Variants in NBPF12 observed in about 807,000 individuals in gnomAD.
The protein encoded by NBPF12 is NBPF member 12, also known as NBPF family member NBPF12.
A neutral mutation model predicts 146.4 loss-of-function variants in NBPF12; 115 were observed. The observed-to-expected ratio is 0.79, with a 90% CI of 0.68 to 0.92. The LOEUF is 0.92. Ranked by LOEUF, NBPF12 falls within the 40% of genes least tolerant of loss-of-function variation. The pLI is 0.00. For synonymous variants in NBPF12, 385 were observed against 508.9 expected, an observed-to-expected ratio of 0.76 and a Z score of 3.28; for missense variants, 1,205 against 1,326.8, an observed-to-expected ratio of 0.91 and a Z score of 1.43.
In NBPF12 at chr1:146,971,220, G is replaced by T. The variant is rs1392421799; in HGVS notation, c.1417G>T (p.Asp473Tyr). ...GGCTGAAGAAAGCAAAGTCCCTGAGGACTCACTGGAGGAATGTGCCATCAC... is the reference window on the plus strand; with the variant it reads ...GGCTGAAGAAAGCAAAGTCCCTGAGTACTCACTGGAGGAATGTGCCATCAC... Residue 473 changes from aspartate to tyrosine, a missense_variant, in exon 13 of 34, where the codon GAC (aspartate) becomes TAC (tyrosine). Around this residue, in one of 16 missense-constraint regions of NBPF12, gnomAD observed 278 missense variants for 203.1 expected, o/e 1.37. Transcript: ENST00000617844. The T allele has an allele frequency of 1.1e-4, 174 of 1,611,772 alleles. 1 individual carries two copies. Among genetic ancestry groups the T allele is most frequent in the Non-Finnish European group, 1.4e-4 (162 of 1,179,770 alleles).
intron 18 of NBPF12, among the ~76,000 whole-genome samples, chr1:146,978,694 GA>G (rs1215590266): frequency 5.5e-4 from 81 of 146,714 alleles, no homozygotes; most frequent in African/African-American, 1.9e-3. Flanking sequence ...TTTTTTTGGG[GA>G]AAAAATTTTG....
At chr1:146,994,617 G>C (rs782067548) in exon 34 of NBPF12, 2 of 1,589,392 alleles carry the variant, frequency 1.3e-6, no homozygotes. Context: ...CTGCAGGCAG[G>C]ACCTATAGGC....
intron 14 of NBPF12, among the ~76,000 whole-genome samples, chr1:146,973,386 A>G (rs1656782981): frequency 1.3e-5 from 2 of 151,716 alleles, no homozygotes; most frequent in Admixed American, 6.5e-5. Flanking sequence ...GCTCTGTTCT[A>G]GTGACTCTGA....
intron 9 of NBPF12, among the ~76,000 whole-genome samples, chr1:146,968,236 C>T (rs1656333500): frequency 2.6e-5 from 4 of 151,492 alleles, no homozygotes; most frequent in Non-Finnish European, 5.9e-5. Context: ...CTTGATGTGC[C>T]CTTGAGGTTC....
chr1:146,982,589 G>T (rs1248996742), intron 19 of NBPF12, among the ~76,000 whole-genome samples: 1 of 151,890 alleles, frequency 6.6e-6, no homozygotes, highest in Non-Finnish European at 1.5e-5. Flanking sequence ...TGAATGCTGC[G>T]TGTAAAATTC....
chr1:146,964,396 A>C (rs1553885238), exon 7 of NBPF12: 1 of 1,602,388 alleles, frequency 6.2e-7, no homozygotes, highest in Non-Finnish European at 8.5e-7. Context: ...CAAGTTGAGG[A>C]GGATGAGAAA....
Position 146,969,181 on chromosome 1 carries a change from G to A in NBPF12, c.1092-201G>A, listed in dbSNP as rs1338898135. 4.7e-4 allele frequency among the ~76,000 whole-genome samples: 71 copies of A among 151,436 alleles called. 2 individuals are homozygous for A. In the East Asian group the frequency reaches 8.1e-3, roughly 17 times the overall value. ...TGAATGGAACATCATCGAGGATCTT[G>A]CAGGAGCCCTCTCTGATACAGAGGA... On this transcript the variant is annotated intron_variant, in intron 10 of 33. Transcript: ENST00000617844.
chr1:146,970,975 C>G (rs1656573263), intron 12 of NBPF12, among the ~76,000 whole-genome samples: 1 of 151,356 alleles, frequency 6.6e-6, no homozygotes, highest in South Asian at 2.1e-4. Context: ...GCACTGAACA[C>G]CAGCTGCTCT....
At chr1:146,964,156 G>A (rs1198283834) in intron 6 of NBPF12, among the ~76,000 whole-genome samples, 1 of 148,578 alleles carries the variant, frequency 6.7e-6, no homozygotes, top group African/African-American at 2.5e-5. Flanking sequence ...GCCACATCTT[G>A]ATGGTGGCCC....
intron 2 of NBPF12, among the ~76,000 whole-genome samples, chr1:146,953,005 A>C (rs1368956537): frequency 6.6e-6 from 1 of 151,000 alleles, no homozygotes; most frequent in African/African-American, 2.5e-5. Context: ...GCATTAAGAA[A>C]TGCATGGGTG....
At chr1:146,972,523 T>C (rs1329808845) in intron 13 of NBPF12, among the ~76,000 whole-genome samples, 1 of 151,604 alleles carries the variant, frequency 6.6e-6, no homozygotes, top group East Asian at 1.9e-4. Context: ...TAGAAACTTA[T>C]AAGCAAGAAA....
intron 4 of NBPF12, among the ~76,000 whole-genome samples, chr1:146,961,584 CATACTA>C (rs1244215418): frequency 2.7e-5 from 4 of 149,658 alleles, no homozygotes; most frequent in African/African-American, 1.0e-4. Flanking sequence ...TGCTGCCTCT[CATACTA>C]ATAAAGTATT....
chr1:146,964,648 A>G (rs1414413795), intron 7 of NBPF12, among the ~76,000 whole-genome samples: 2 of 151,902 alleles, frequency 1.3e-5, no homozygotes, highest in Non-Finnish European at 2.9e-5. Flanking sequence ...CTGAGTCTTC[A>G]TCCTCCTCAG....
At chr1:146,994,291 A>AT in intron 33 of NBPF12, 41 bp from the exon 37 acceptor site, 1 of 1,610,846 alleles carries the variant, frequency 6.2e-7, no homozygotes, top group Admixed American at 1.7e-5. Context: ...GTGGTGTCTG[A>AT]CTTTCCCTGG....
chr1:146,992,574 A>C (rs1658269309), intron 31 of NBPF12, 138 bp from the exon 35 acceptor site: 1 of 638,324 alleles, frequency 1.6e-6, no homozygotes, highest in Non-Finnish European at 2.8e-6. Flanking sequence ...ACATGAAGGC[A>C]ATAATTTGTT....
At chr1:146,972,213 G>T (rs1179851905) in intron 13 of NBPF12, among the ~76,000 whole-genome samples, 2 of 150,858 alleles carry the variant, frequency 1.3e-5, no homozygotes, top group Admixed American at 6.6e-5. Context: ...TGTCCAAGTT[G>T]GCGAAACCCC....
At chr1:146,939,511 G>C (rs71219963) in intron 1 of NBPF12, among the ~76,000 whole-genome samples, 20,888 of 151,938 alleles carry the variant, frequency 0.14, 1,921 homozygotes, top group Admixed American at 0.27. Context: ...CTCATGACTA[G>C]CGGGGCAAGC....
At chr1:146,970,342 CTG>C (rs1412792736) in intron 11 of NBPF12, among the ~76,000 whole-genome samples, 1 of 150,872 alleles carries the variant, frequency 6.6e-6, no homozygotes, top group Non-Finnish European at 1.5e-5. Context: ...GGAATCAGAT[CTG>C]TGGCAGGATG....
At chr1:146,966,570 G>A in exon 9 of NBPF12, 2 of 1,391,496 alleles carry the variant, frequency 1.4e-6, no homozygotes, top group Non-Finnish European at 2.0e-6. Context: ...ATGAGAAGTT[G>A]CGCCCCCAGC....
Sources: gnomAD v4.1 joint callset for allele counts (sites outside exome capture counted in the v4.1 genomes callset) on GRCh38, gnomAD v4.1.1 for gene constraint, gnomAD v4.1.1 regional missense constraint, MANE v1.5 for transcripts, NCBI Gene and HGNC (gene_info 2026-07-23, HGNC 2026-07-21) for gene names.